The following LAD1 variants were observed in gnomAD, a reference collection of about 807,000 sequenced individuals.
LAD1 encodes ladinin 1.
Under a neutral mutation model 54.2 loss-of-function variants are expected in LAD1, and 53 were observed. The ratio of observed to expected loss-of-function variants is 0.98; its 90% confidence interval spans 0.78 to 1.23. The LOEUF is 1.23. Ranked by LOEUF, LAD1 falls within the 50% of genes most tolerant of loss-of-function variation. LAD1 has a pLI of 0.00. For missense variants in LAD1, 637 were observed against 653.3 expected, an observed-to-expected ratio of 0.98 and a Z score of 0.27; for synonymous variants, 231 against 257.7, an observed-to-expected ratio of 0.90 and a Z score of 0.99.
chr1:201,387,905 G>C (rs1662127483), intron 2 of LAD1, among the ~76,000 whole-genome samples: 1 of 152,194 alleles, frequency 6.6e-6, no homozygotes, highest in East Asian at 1.9e-4. Flanking sequence ...TGTGCTTTCA[G>C]GCAAGTTAAC....
rs754739250 is a variant in LAD1, at chr1:201,386,793, C to T, written c.568G>A (p.Ala190Thr). ...LEKSSMPKKT[A>T]PEKSLVSDKT... is the part of the protein sequence containing the mutation. ...TCGGAGACCAGGCTCTTTTCAGGTG[C>T]CGTCTTCTTTGGCATGGAGGACTTC... Residue 190 changes from alanine (A) to threonine (T), a missense_variant, in exon 3 of 10, where the codon GCA (alanine) becomes ACA (threonine). Transcript: ENST00000391967. 2 of 1,614,000 alleles carry T rather than the reference C, an allele frequency of 1.2e-6. No homozygotes were observed. Among genetic ancestry groups the T allele is most frequent in the South Asian group, 1.1e-5 (1 of 91,064 alleles).
At chr1:201,398,427 C>CAGGAAA in intron 1 of LAD1, among the ~76,000 whole-genome samples, 2 of 152,176 alleles carry the variant, frequency 1.3e-5, no homozygotes, top group Non-Finnish European at 2.9e-5. Flanking sequence ...GCCTCAGTTT[C>CAGGAAA]CTTAGGGACA....
In LAD1 at chr1:201,389,203, T is replaced by TGGGAGCCTCATCGTCCGTGGTGG. The variant is rs768331391; in HGVS notation, c.116_138dup (p.Arg47ProfsTer84). On this transcript the variant is annotated frameshift_variant, in exon 2 of 10. Transcript: ENST00000391967. LOFTEE classifies it high-confidence loss of function. Reference sequence around the variant, plus strand: ...TGCCGGTCTCCATTCTGGCTGAGCCTGGGAGCCTCATCGTCCGTGGTGGAG... The same window carrying TGGGAGCCTCATCGTCCGTGGTGG: ...TGCCGGTCTCCATTCTGGCTGAGCCTGGGAGCCTCATCGTCCGTGGTGGGGGAGCCTCATCGTCCGTGGTGGAG... 3.1e-6 allele frequency: 5 copies of TGGGAGCCTCATCGTCCGTGGTGG among 1,614,222 alleles called. No homozygotes were observed. The Admixed American group carries it at 8.3e-5, about 27-fold the overall frequency.
chr1:201,396,152 G>A (rs563715033), intron 1 of LAD1, among the ~76,000 whole-genome samples: 16 of 152,188 alleles, frequency 1.1e-4, no homozygotes, highest in Admixed American at 2.6e-4. Flanking sequence ...GAACAGCTGC[G>A]GAGGCTCAGC....
intron 8 of LAD1, 135 bp from the exon 9 acceptor site, chr1:201,382,461 C>T (rs773451866): frequency 7.6e-6 from 6 of 785,588 alleles, no homozygotes; most frequent in Non-Finnish European, 1.3e-5. Context: ...ACCCACCCCT[C>T]CTCTCTGCCA....
intron 2 of LAD1, among the ~76,000 whole-genome samples, chr1:201,388,039 C>T (rs1196719064): frequency 6.6e-6 from 1 of 152,118 alleles, no homozygotes; most frequent in Non-Finnish European, 1.5e-5. Context: ...CCAGGCTCTT[C>T]CCCCACCTCA....
At chr1:201,382,792 C>T in intron 7 of LAD1, 53 bp from the exon 8 acceptor site, 1 of 1,395,426 alleles carries the variant, frequency 7.2e-7, no homozygotes. Flanking sequence ...AGCAGCGAGG[C>T]ATGTTCAGAG....
intron 2 of LAD1, 102 bp from the exon 3 acceptor site, chr1:201,387,280 T>C: frequency 2.3e-6 from 3 of 1,312,514 alleles, no homozygotes; most frequent in Middle Eastern, 2.7e-4. Flanking sequence ...AAGGAGGAGG[T>C]GAGGATGTCA....
At chr1:201,396,642 G>A (rs1662295810) in intron 1 of LAD1, among the ~76,000 whole-genome samples, 1 of 152,146 alleles carries the variant, frequency 6.6e-6, no homozygotes, top group South Asian at 2.1e-4. Context: ...GGAACCCTGG[G>A]GCTCAAGGAG....
intron 1 of LAD1, 138 bp downstream of exon 1, chr1:201,399,131 T>C: frequency 1.3e-6 from 1 of 790,110 alleles, no homozygotes; most frequent in Non-Finnish European, 2.0e-6. Flanking sequence ...CAATCCTGTC[T>C]CCCGCGAGTC....
Position 201,382,963 on chromosome 1 carries a change from CATTA to C in LAD1, c.1386+107_1386+110del, listed in dbSNP as rs71958431. ...GGAACTCAAATGGAGGTTCTGCCAA[CATTA>C]ATTGACACATGAAAACAGTTTTCTA... On this transcript the variant is annotated intron_variant, in intron 7 of 9. Coordinates refer to ENST00000391967, the MANE Select transcript of LAD1 (RefSeq NM_005558.4). 5.9e-3 allele frequency: 7,825 copies of C among 1,318,900 alleles called. 351 individuals carry two copies. In the African/African-American group the frequency reaches 0.1, roughly 17 times the overall value. The allele number at this position is 1,318,900 out of a possible 1,614,324, so 81.7% of individuals were successfully genotyped here.
At chr1:201,385,346 G>GTT (rs1662052796) in intron 4 of LAD1, among the ~76,000 whole-genome samples, 1 of 152,204 alleles carries the variant, frequency 6.6e-6, no homozygotes, top group Admixed American at 6.5e-5. Flanking sequence ...GCTGCTCTCT[G>GTT]TTCCTCCCCT....
In LAD1 at chr1:201,383,363, G is replaced by A. The variant is rs1210531539; in HGVS notation, c.1202C>T (p.Thr401Ile). 2.5e-6 allele frequency: 4 copies of A among 1,613,900 alleles called. No individual in the cohort carries two copies. The highest frequency in any genetic ancestry group is 2.7e-5 in the African/African-American group (2 of 74,910). The change falls in exon 6 of 10, where the codon ACA becomes ATA. Residue 401 changes from threonine (T) to isoleucine (I), a missense_variant. Transcript: ENST00000391967. ...CTCCAGCTTCTCTCCCAACTTCACT[G>A]TGTTGTCTGGGAGCTTCATGCTGGC... is the stretch of plus-strand genomic sequence containing the variant. ...RSASMKLPDN[T>I]VKLGEKLERY...
At chr1:201,392,377 G>C (rs1662211080) in intron 1 of LAD1, among the ~76,000 whole-genome samples, 1 of 152,250 alleles carries the variant, frequency 6.6e-6, no homozygotes, top group Non-Finnish European at 1.5e-5. Flanking sequence ...GTCAGACCAT[G>C]AGCAAGGAAA....
rs1661961040 is a variant in LAD1, at chr1:201,381,628, G to A, written c.*260C>T. 1 of 580,880 alleles carries A rather than the reference G, an allele frequency of 1.7e-6. No homozygotes were observed. Among genetic ancestry groups the A allele is most frequent in the Admixed American group, 2.9e-5 (1 of 34,476 alleles). The allele number at this position is 580,880 out of a possible 1,614,324, so 36.0% of individuals were successfully genotyped here. A position where few individuals can be genotyped will look rare whatever the true frequency, so the allele number is the denominator to read the frequency against. ...TAGTGCTGATGTGCACTTGTGCTGT[G>A]ACCTGGGCAGAGACTGGGTCCCAGC... On this transcript the variant is annotated 3_prime_UTR_variant, in exon 10 of 10. Transcript: ENST00000391967.
intron 5 of LAD1, 100 bp from the exon 6 acceptor site, chr1:201,383,489 T>A: frequency 8.9e-7 from 1 of 1,124,714 alleles, no homozygotes; most frequent in Non-Finnish European, 1.4e-6. Context: ...ACGTTCTCAT[T>A]GTGGCCAAGA....
At position 201,381,494 on chromosome 1, in the gene LAD1, G is replaced by T; in HGVS notation, c.*394C>A. ...GGACATCATAGACAAAGAGGCACTT[G>T]CTGGGAGCCGATGAGACAGGTGACT... On this transcript the variant is annotated 3_prime_UTR_variant, in exon 10 of 10. Transcript: ENST00000391967. The T allele has an allele frequency of 3.3e-6, 1 of 298,820 alleles. No homozygotes were observed. The highest frequency in any genetic ancestry group is 3.2e-5 in the South Asian group (1 of 31,434). 18.5% of individuals were successfully genotyped at this position (298,820 alleles called of 1,614,324 possible). A position where few individuals can be genotyped will look rare whatever the true frequency, so the allele number is the denominator to read the frequency against.
intron 4 of LAD1, 132 bp from the exon 5 acceptor site, chr1:201,384,967 A>T: frequency 1.3e-6 from 1 of 780,368 alleles, no homozygotes; most frequent in Non-Finnish European, 2.1e-6. Context: ...CCAGGGGTCA[A>T]CCCCACCAAA....
intron 4 of LAD1, among the ~76,000 whole-genome samples, chr1:201,385,446 C>T (rs1328063487): frequency 3.9e-5 from 6 of 152,188 alleles, no homozygotes; most frequent in South Asian, 2.1e-4. Context: ...CCTGCCTGTC[C>T]GGTCTTCATG....
Sources: allele counts gnomAD v4.1 joint callset (sites outside exome capture counted in the v4.1 genomes callset), GRCh38; gene constraint gnomAD v4.1.1; transcripts MANE v1.5; gene names NCBI Gene and HGNC (gene_info 2026-07-23, HGNC 2026-07-21).